The following OSTM1 variants were observed in gnomAD, a reference collection of about 807,000 sequenced individuals.
The protein encoded by OSTM1 is osteoclastogenesis associated transmembrane protein 1.
Under a neutral mutation model 35.4 loss-of-function variants are expected in OSTM1, and 26 were observed. That is an observed-to-expected ratio of 0.73 (90% CI 0.54 to 1.02). The LOEUF (loss-of-function observed/expected upper bound fraction) is 1.02, where lower values mean the gene tolerates loss of function less well. Ranked by LOEUF, OSTM1 falls within the 50% of genes least tolerant of loss-of-function variation. The pLI, the probability that OSTM1 is intolerant of heterozygous loss-of-function variation, is 0.00. For missense variants in OSTM1, 366 were observed against 409.6 expected (o/e 0.89, Z 0.92); for synonymous variants, 181 against 165.0 (o/e 1.10, Z -0.75).
At chr6:108,046,700 A>G (rs1395872875) in intron 5 of OSTM1, among the ~76,000 whole-genome samples, 1 of 152,176 alleles carries the variant, frequency 6.6e-6, no homozygotes, top group African/African-American at 2.4e-5. Flanking sequence ...TTCCTGGACG[A>G]GTGTACTGCT....
At chr6:108,054,069 G>C (rs1328604577) in intron 3 of OSTM1, among the ~76,000 whole-genome samples, 1 of 152,172 alleles carries the variant, frequency 6.6e-6, no homozygotes, top group Non-Finnish European at 1.5e-5. Flanking sequence ...ACTAAACAGT[G>C]CTTTTTAAGG....
Position 108,074,450 on chromosome 6 carries a change from G to C in OSTM1, c.202C>G (p.Leu68Val), listed in dbSNP as rs746449389. The C allele has an allele frequency of 4.5e-6, 7 of 1,557,778 alleles. No homozygotes were observed. Among genetic ancestry groups the C allele is most frequent in the Non-Finnish European group, 2.6e-6 (3 of 1,151,226 alleles). The stretch of plus-strand genomic sequence containing the variant: ...TCCGGGGGCAGCGACAGAGGCCCCA[G>C]CCCTCCACCCTGCAGGAGGGACAGG... Reference protein sequence around the residue: ...LSLSLLQGGGLGPLSLPPDLP... With the variant: ...LSLSLLQGGGVGPLSLPPDLP... The change falls in exon 1 of 6, where the codon CTG becomes GTG. Residue 68 changes from leucine (L) to valine (V), a missense_variant. Coordinates refer to ENST00000193322, the MANE Select transcript of OSTM1 (RefSeq NM_014028.4).
chr6:108,057,612 C>T (rs1454344559), intron 2 of OSTM1, among the ~76,000 whole-genome samples: 2 of 152,126 alleles, frequency 1.3e-5, no homozygotes, highest in African/African-American at 4.8e-5. Flanking sequence ...ATAAAGAAAG[C>T]TTCTCTGAAG....
intron 2 of OSTM1, chr6:108,060,963 G>A (rs1228423140): frequency 6.6e-6 from 1 of 151,936 alleles, no homozygotes; most frequent in African/African-American, 2.4e-5. Context: ...GTGAATCCCA[G>A]TATATATCCA....
chr6:108,053,939 C>T (rs1318331033), intron 3 of OSTM1, among the ~76,000 whole-genome samples: 3 of 152,182 alleles, frequency 2.0e-5, no homozygotes, highest in African/African-American at 7.2e-5. Flanking sequence ...TCCTTCACCA[C>T]GACCGGGCAA....
intron 1 of OSTM1, among the ~76,000 whole-genome samples, chr6:108,072,232 TC>T (rs1429237794): frequency 6.6e-6 from 1 of 152,214 alleles, no homozygotes; most frequent in African/African-American, 2.4e-5. Flanking sequence ...CAGGGACATG[TC>T]TTGGGTACTT....
chr6:108,063,145 T>C (rs1294988445), intron 2 of OSTM1, among the ~76,000 whole-genome samples: 1 of 152,158 alleles, frequency 6.6e-6, no homozygotes, highest in Admixed American at 6.5e-5. Context: ...CCCAAGTGGC[T>C]AGGACTACAG....
intron 1 of OSTM1, among the ~76,000 whole-genome samples, chr6:108,067,260 T>C (rs967107838): frequency 9.9e-5 from 15 of 152,248 alleles, no homozygotes; most frequent in African/African-American, 3.4e-4. Context: ...CTAACCTGCC[T>C]ACCCCTACAT....
intron 2 of OSTM1, among the ~76,000 whole-genome samples, chr6:108,056,350 C>T (rs1446858542): frequency 6.6e-6 from 1 of 152,192 alleles, no homozygotes; most frequent in Non-Finnish European, 1.5e-5. Flanking sequence ...CAGTCTGATT[C>T]TTGAGCCTGC....
chr6:108,049,280 C>G lies in OSTM1; in HGVS notation c.922G>C (p.Glu308Gln). The change falls in exon 5 of 6, where the codon GAG becomes CAG. Residue 308 changes from glutamate (E) to glutamine (Q), a missense_variant. By Grantham distance (29) the Glu-to-Gln change is conservative. Coordinates refer to ENST00000193322, the MANE Select transcript of OSTM1 (RefSeq NM_014028.4). ...VFYLSSFLHSEQKKRKLILPK... is the reference protein window; with the variant it reads ...VFYLSSFLHSQQKKRKLILPK... ...AGAATGAGTTTGCGTTTCTTTTGCT[C>G]TGAGTGAAGAAAGCTACTAAGGTAG... 1 of 1,612,738 alleles carries G rather than the reference C, an allele frequency of 6.2e-7. No homozygotes were observed. The highest frequency in any genetic ancestry group is 8.5e-7 in the Non-Finnish European group (1 of 1,179,018).
At chr6:108,066,591 G>A (rs1473287819) in intron 1 of OSTM1, among the ~76,000 whole-genome samples, 1 of 152,152 alleles carries the variant, frequency 6.6e-6, no homozygotes, top group Non-Finnish European at 1.5e-5. Context: ...TGGCAGTATT[G>A]GTGACACTAA....
In OSTM1 at chr6:108,074,347, A is replaced by G; in HGVS notation, c.305T>C (p.Leu102Pro). The change falls in exon 1 of 6, where the codon CTG (leucine) becomes CCG (proline). Residue 102 changes from leucine to proline, a missense_variant. Leu to Pro is a moderately conservative substitution (Grantham distance 98). This residue lies in a region of OSTM1 where 236 missense variants were observed against 239.3 expected (regional missense o/e 0.99). Coordinates refer to ENST00000193322, the MANE Select transcript of OSTM1 (RefSeq NM_014028.4). The part of the protein sequence containing the change: ...ANSSAELTGC[L>P]VRSARPVRLC... ...GCGCACGGGCCGGGCGCTGCGCACC[A>G]GACACCCTGTCAGCTCTGCGCTGCT... is the stretch of plus-strand genomic sequence containing the variant. 1.2e-6 allele frequency: 2 copies of G among 1,608,090 alleles called. No homozygotes were observed. The highest frequency in any genetic ancestry group is 1.7e-6 in the Non-Finnish European group (2 of 1,178,072).
intron 2 of OSTM1, among the ~76,000 whole-genome samples, chr6:108,062,539 T>TA (rs1381097028): frequency 6.7e-6 from 1 of 150,312 alleles, no homozygotes; most frequent in Non-Finnish European, 1.5e-5. Flanking sequence ...TCTTTTCTTT[T>TA]TTTTTTTTTT....
chr6:108,060,584 C>T (rs893303264), intron 2 of OSTM1, among the ~76,000 whole-genome samples: 3 of 151,966 alleles, frequency 2.0e-5, no homozygotes, highest in African/African-American at 7.2e-5. Flanking sequence ...CAGGCATCCT[C>T]GTGCTGCCTG....
Position 108,074,511 on chromosome 6 carries a change from C to T in OSTM1, c.141G>A (p.Leu47=), listed in dbSNP as rs1772554645. 1.9e-6 allele frequency: 3 copies of T among 1,558,790 alleles called. No individual in the cohort carries two copies. In the South Asian group the frequency reaches 3.5e-5, roughly 18 times the overall value. The part of the protein sequence containing the change: ...SSPHRVFHDL[L]SEQQLLEVED... ...CCACCTCCAGCAACTGCTGCTCCGA[C>T]AGGAGGTCGTGGAAGACCCTGTGCG... is the stretch of plus-strand genomic sequence containing the variant. Residue 47 remains leucine (L), a synonymous_variant, in exon 1 of 6, where the codon CTG becomes CTA. Transcript: ENST00000193322.
chr6:108,066,929 T>A (rs1039064452), intron 1 of OSTM1, among the ~76,000 whole-genome samples: 3 of 152,216 alleles, frequency 2.0e-5, no homozygotes, highest in Non-Finnish European at 1.5e-5. Context: ...TCCTTGCTTA[T>A]ACTTAGAACT....
chr6:108,051,203 A>G lies in OSTM1; in HGVS notation c.616-5T>C, dbSNP rs1411550136. On this transcript the variant is annotated splice_polypyrimidine_tract_variant and splice_region_variant and intron_variant, in intron 3 of 5. Transcript: ENST00000193322. ...TAAAAGACTATGTGCATTCCCCTAAAATGACAAAGGCACATGTAATATATA... is the reference window on the plus strand; with the variant it reads ...TAAAAGACTATGTGCATTCCCCTAAGATGACAAAGGCACATGTAATATATA... 1.9e-6 allele frequency: 3 copies of G among 1,602,444 alleles called. No homozygotes were observed. Among genetic ancestry groups the G allele is most frequent in the Non-Finnish European group, 2.6e-6 (3 of 1,169,792 alleles).
At chr6:108,072,555 C>T (rs1240436986) in intron 1 of OSTM1, among the ~76,000 whole-genome samples, 1 of 151,480 alleles carries the variant, frequency 6.6e-6, no homozygotes, top group Non-Finnish European at 1.5e-5. Flanking sequence ...ATCACTTGAA[C>T]CCAGGAGGCG....
At chr6:108,062,368 C>A (rs1772294139) in intron 2 of OSTM1, among the ~76,000 whole-genome samples, 1 of 152,092 alleles carries the variant, frequency 6.6e-6, no homozygotes, top group African/African-American at 2.4e-5. Context: ...TTATGCTACT[C>A]AGAATCATAC....
Sources: gnomAD v4.1 joint callset for allele counts (sites outside exome capture counted in the v4.1 genomes callset) on GRCh38, gnomAD v4.1.1 for gene constraint, gnomAD v4.1.1 regional missense constraint, MANE v1.5 for transcripts, NCBI Gene and HGNC (gene_info 2026-07-23, HGNC 2026-07-21) for gene names.